The following ADGRL4 variants were observed in gnomAD, a reference collection of about 807,000 sequenced individuals.
The protein encoded by ADGRL4 is EGF, latrophilin and seven transmembrane domain containing 1.
In ADGRL4, 90 loss-of-function variants were observed where a neutral mutation model predicts 74.8. That is an observed-to-expected ratio of 1.20 (90% CI 1.02 to 1.43). The LOEUF (loss-of-function observed/expected upper bound fraction) is 1.43, where lower values mean the gene tolerates loss of function less well. ADGRL4 is among the 40% of genes most tolerant of loss of function. The pLI is 0.00. For missense variants in ADGRL4, 881 were observed against 814.3 expected (o/e 1.08, Z -1.00); for synonymous variants, 311 against 279.2 (o/e 1.11, Z -1.14).
intron 2 of ADGRL4, among the ~76,000 whole-genome samples, chr1:78,967,524 G>A (rs994027307): frequency 9.9e-5 from 15 of 152,118 alleles, no homozygotes; most frequent in African/African-American, 3.6e-4. Context: ...TTAGTAAATG[G>A]TTATAATAAA....
chr1:78,937,830 A>C lies in ADGRL4; in HGVS notation c.737T>G (p.Phe246Cys), dbSNP rs1649386671. Residue 246 changes from phenylalanine (F) to cysteine (C), a missense_variant, in exon 6 of 15, where the codon TTT becomes TGT. Coordinates refer to ENST00000370742, the MANE Select transcript of ADGRL4 (RefSeq NM_022159.4). ...ACCTATATCCGTTGAATTTGTATCA[A>C]ACTCTGTGGTCTTTTGGAAGCTCTG... ...ISQSFQKTTE[F>C]DTNSTDIALK... 1 of 1,609,958 alleles carries C rather than the reference A, an allele frequency of 6.2e-7. No homozygotes were observed. Among genetic ancestry groups the C allele is most frequent in the Non-Finnish European group, 8.5e-7 (1 of 1,178,938 alleles).
At chr1:78,995,932 G>A (rs1650703033) in intron 2 of ADGRL4, among the ~76,000 whole-genome samples, 1 of 152,266 alleles carries the variant, frequency 6.6e-6, no homozygotes, top group South Asian at 2.1e-4. Flanking sequence ...ATACCAGGGG[G>A]ATTTCAATTT....
chr1:78,940,834 CA>C lies in ADGRL4; in HGVS notation c.326-1577del, dbSNP rs563688512. Among the ~76,000 whole-genome samples the C allele has an allele frequency of 2.0e-3, 305 of 152,142 alleles. 2 individuals are homozygous for C. The highest frequency in any genetic ancestry group is 7.0e-3 in the African/African-American group (290 of 41,508). ...CGTAATTTCTCACTCAAAAATCCAA[CA>C]AAAAGACCTAGAAAACACATCCAAA... is the stretch of plus-strand genomic sequence containing the variant. On this transcript the variant is annotated intron_variant, in intron 3 of 14. Transcript: ENST00000370742.
In ADGRL4 at chr1:78,937,942, CT is replaced by C; in HGVS notation, c.624del (p.Val209PhefsTer7). ...TGATTCACAGATAACTTGTCCCAAACTACAAATGTATCCCTTTGAACAAAAT... is the reference window on the plus strand; with the variant it reads ...TGATTCACAGATAACTTGTCCCAAACACAAATGTATCCCTTTGAACAAAAT... ...VNNFVQRDTF[V>X]VWDKLSVNHR... On this transcript the variant is annotated frameshift_variant, in exon 6 of 15. Coordinates refer to ENST00000370742, the MANE Select transcript of ADGRL4 (RefSeq NM_022159.4). LOFTEE classifies it high-confidence loss of function. 1 of 1,613,340 alleles carries C rather than the reference CT, an allele frequency of 6.2e-7. No individual in the cohort carries two copies. Among genetic ancestry groups the C allele is most frequent in the Non-Finnish European group, 8.5e-7 (1 of 1,179,800 alleles).
intron 12 of ADGRL4, among the ~76,000 whole-genome samples, chr1:78,901,340 T>C (rs1648513720): frequency 6.6e-6 from 1 of 152,184 alleles, no homozygotes; most frequent in African/African-American, 2.4e-5. Context: ...TGATCTATAA[T>C]TGTTTGAAAG....
chr1:78,889,931 A>G lies in ADGRL4; in HGVS notation c.*1223T>C. On this transcript the variant is annotated 3_prime_UTR_variant, in exon 15 of 15. Coordinates refer to ENST00000370742, the MANE Select transcript of ADGRL4 (RefSeq NM_022159.4). Reference sequence around the variant, plus strand: ...TCAAAATCACTGCTTATACATTTTAATGAGAAGATTTAAAGACAGATAGAA... The same window carrying G: ...TCAAAATCACTGCTTATACATTTTAGTGAGAAGATTTAAAGACAGATAGAA... 2 of 378,432 alleles carry G rather than the reference A, an allele frequency of 5.3e-6. No homozygotes were observed. The allele number at this position is 378,432 out of a possible 1,614,324, so 23.4% of individuals were successfully genotyped here. A position where few individuals can be genotyped will look rare whatever the true frequency, so the allele number is the denominator to read the frequency against.
intron 2 of ADGRL4, among the ~76,000 whole-genome samples, chr1:78,977,191 G>A (rs1033969958): frequency 6.6e-6 from 1 of 151,700 alleles, no homozygotes; most frequent in African/African-American, 2.4e-5. Flanking sequence ...CTCTATCAAT[G>A]CAGAAAAAGC....
At position 78,891,649 on chromosome 1, in the gene ADGRL4, T is replaced by G; in HGVS notation, c.1885A>C (p.Thr629Pro). ...GALALLFLLG[T>P]TWIFGVLHVV... The stretch of plus-strand genomic sequence containing the variant: ...TGGAGAACCCCAAAGATCCAGGTGG[T>G]GCCGAGAAGGAACAGAAGAGCGAGG... The change falls in exon 14 of 15, where the codon ACC becomes CCC. Residue 629 changes from threonine to proline, a missense_variant. By Grantham distance (38) the Thr-to-Pro change is conservative (BLOSUM62 -1). Coordinates refer to ENST00000370742, the MANE Select transcript of ADGRL4 (RefSeq NM_022159.4). The G allele has an allele frequency of 6.2e-7, 1 of 1,613,176 alleles. No homozygotes were observed. The highest frequency in any genetic ancestry group is 8.5e-7 in the Non-Finnish European group (1 of 1,179,584).
chr1:78,961,826 T>C (rs1429967898), intron 2 of ADGRL4, among the ~76,000 whole-genome samples: 3 of 152,060 alleles, frequency 2.0e-5, no homozygotes, highest in Non-Finnish European at 4.4e-5. Flanking sequence ...AGAGCAGTCC[T>C]GCATCATGGT....
At position 79,003,948 on chromosome 1, in the gene ADGRL4, C is replaced by T. The variant is rs527810460; in HGVS notation, c.172+1122G>A. On this transcript the variant is annotated intron_variant, in intron 2 of 14. Transcript: ENST00000370742. ...TTCTGGCTGTTTATACAAGCAGAAGCGCCTGATTTAATGCACCATTAAGTG... is the reference window on the plus strand; with the variant it reads ...TTCTGGCTGTTTATACAAGCAGAAGTGCCTGATTTAATGCACCATTAAGTG... Among the ~76,000 whole-genome samples, 60 of 151,838 alleles carry T rather than the reference C, an allele frequency of 4.0e-4. 1 individual carries two copies. In the South Asian group the frequency reaches 0.011, roughly 28 times the overall value.
chr1:78,930,559 C>A (rs1385774516), intron 7 of ADGRL4, among the ~76,000 whole-genome samples: 1 of 146,340 alleles, frequency 6.8e-6, no homozygotes, highest in Non-Finnish European at 1.5e-5. Context: ...TCAAGCAATT[C>A]TCTGCCTCAG....
At chr1:78,932,098 C>T (rs1004617045) in intron 7 of ADGRL4, among the ~76,000 whole-genome samples, 2 of 151,604 alleles carry the variant, frequency 1.3e-5, no homozygotes, top group African/African-American at 4.9e-5. Flanking sequence ...ATTTACAGAA[C>T]TCTTACCCCC....
At chr1:78,970,802 A>G (rs1218714000) in intron 2 of ADGRL4, among the ~76,000 whole-genome samples, 1 of 152,024 alleles carries the variant, frequency 6.6e-6, no homozygotes, top group Non-Finnish European at 1.5e-5. Context: ...GTACTATGGG[A>G]CACTCCCCTC....
intron 2 of ADGRL4, among the ~76,000 whole-genome samples, chr1:78,998,522 A>C (rs1298702347): frequency 6.6e-6 from 1 of 151,924 alleles, no homozygotes; most frequent in Non-Finnish European, 1.5e-5. Context: ...GGCATGTGCC[A>C]CCATGTCCAG....
chr1:78,990,165 A>G (rs1472089266), intron 2 of ADGRL4, among the ~76,000 whole-genome samples: 4 of 151,806 alleles, frequency 2.6e-5, no homozygotes, highest in Non-Finnish European at 5.9e-5. Context: ...TAAGCAAGCC[A>G]TTTTTCCCTT....
chr1:78,954,244 C>T (rs1649786191), intron 2 of ADGRL4, among the ~76,000 whole-genome samples: 1 of 151,768 alleles, frequency 6.6e-6, no homozygotes, highest in Non-Finnish European at 1.5e-5. Flanking sequence ...GCACAGTGGG[C>T]AAGTAAAACA....
At chr1:78,896,263 T>G (rs1158929042) in intron 12 of ADGRL4, among the ~76,000 whole-genome samples, 1 of 152,164 alleles carries the variant, frequency 6.6e-6, no homozygotes, top group Non-Finnish European at 1.5e-5. Flanking sequence ...GATCTACTAA[T>G]TCATTATAAC....
At chr1:78,917,588 G>T in intron 12 of ADGRL4, 46 bp downstream of exon 12, 1 of 1,322,736 alleles carries the variant, frequency 7.6e-7, no homozygotes, top group South Asian at 1.3e-5. Flanking sequence ...AGCACCCTAT[G>T]ATCATCACTT....
At chr1:78,894,533 A>G (rs1648353959) in intron 12 of ADGRL4, among the ~76,000 whole-genome samples, 1 of 151,852 alleles carries the variant, frequency 6.6e-6, no homozygotes, top group African/African-American at 2.4e-5. Flanking sequence ...ACAATTAAAT[A>G]ATATTTAATT....
Sources: allele counts gnomAD v4.1 joint callset (sites outside exome capture counted in the v4.1 genomes callset), GRCh38; gene constraint gnomAD v4.1.1; transcripts MANE v1.5; gene names NCBI Gene and HGNC (gene_info 2026-07-23, HGNC 2026-07-21).